Variants in CSGALNACT1 observed in about 807,000 individuals in gnomAD.
CSGALNACT1 encodes the protein chondroitin sulfate N-acetylgalactosaminyltransferase 1, also known as beta4GalNAcT-1.
In CSGALNACT1, 52 loss-of-function variants were observed where a neutral mutation model predicts 51.0. The ratio of observed to expected loss-of-function variants is 1.02; its 90% CI spans 0.82 to 1.29. The LOEUF (loss-of-function observed/expected upper bound fraction) is 1.29. Ranked by LOEUF, CSGALNACT1 falls within the 50% of genes most tolerant of loss-of-function variation. The pLI is 0.00. For synonymous variants in CSGALNACT1, 341 were observed against 254.4 expected (o/e 1.34, Z -3.24); for missense variants, 935 against 679.2 (o/e 1.38, Z -4.19).
chr8:19,635,853 G>A (rs186814548), intron 1 of CSGALNACT1, among the ~76,000 whole-genome samples: 2 of 152,210 alleles, frequency 1.3e-5, no homozygotes, highest in African/African-American at 2.4e-5. Context: ...TCGGCCTCCT[G>A]AGTAGCTGGG....
intron 3 of CSGALNACT1, among the ~76,000 whole-genome samples, chr8:19,518,353 C>T (rs1019630789): frequency 1.2e-4 from 18 of 152,164 alleles, no homozygotes; most frequent in African/African-American, 3.6e-4. Context: ...AAGATGGCAG[C>T]TCCATCTTCC....
chr8:19,572,853 T>C (rs1362518326), intron 3 of CSGALNACT1, among the ~76,000 whole-genome samples: 1 of 152,244 alleles, frequency 6.6e-6, no homozygotes, highest in Non-Finnish European at 1.5e-5. Flanking sequence ...TTTCACTCTG[T>C]TCCAGTGAAG....
intron 3 of CSGALNACT1, among the ~76,000 whole-genome samples, chr8:19,559,187 AC>A (rs2040153128): frequency 6.6e-6 from 1 of 152,330 alleles, no homozygotes; most frequent in Admixed American, 6.5e-5. Context: ...ACAAAGCCCC[AC>A]AATTTTAGCA....
intron 4 of CSGALNACT1, among the ~76,000 whole-genome samples, chr8:19,485,081 T>C (rs950808354): frequency 2.0e-5 from 3 of 152,214 alleles, no homozygotes; most frequent in East Asian, 1.9e-4. Flanking sequence ...TGCCCTGTTA[T>C]GGCAGCCCAA....
chr8:19,405,961 AAG>A lies in CSGALNACT1; in HGVS notation c.1416_1417del (p.Phe473ProfsTer5), dbSNP rs1361059462. 6.2e-7 allele frequency: 1 copy of A among 1,614,002 alleles called. No individual in the cohort carries two copies. Reference sequence around the variant, plus strand: ...GCAGCGCTTCTCATGCCAGAGGTGGAAGAGTCCTCGCACAGGCGTCCGTACCA... The same window carrying A: ...GCAGCGCTTCTCATGCCAGAGGTGGAAGTCCTCGCACAGGCGTCCGTACCA... On this transcript the variant is annotated frameshift_variant, in exon 10 of 10. Coordinates refer to ENST00000454498, the Ensembl canonical transcript of CSGALNACT1. LOFTEE classifies it high-confidence loss of function.
At chr8:19,712,226 C>G (rs1658848641) in intron 1 of CSGALNACT1, among the ~76,000 whole-genome samples, 1 of 152,074 alleles carries the variant, frequency 6.6e-6, no homozygotes, top group African/African-American at 2.4e-5. Flanking sequence ...GGGGTTTCAT[C>G]ATGTTAGCCA....
chr8:19,468,178 T>C (rs1053571447), intron 4 of CSGALNACT1, among the ~76,000 whole-genome samples: 7 of 10,606 alleles, frequency 6.6e-4, no homozygotes, highest in African/African-American at 8.2e-4. Flanking sequence ...ATAGCAGATG[T>C]TTTTTTACCA....
intron 1 of CSGALNACT1, chr8:19,688,985 A>G (rs2154213848): frequency 6.6e-6 from 1 of 152,374 alleles, no homozygotes; most frequent in African/African-American, 2.4e-5. Context: ...CACCTTAGCA[A>G]CAAGTGATCA....
chr8:19,728,769 T>C (rs1028070960), intron 1 of CSGALNACT1, among the ~76,000 whole-genome samples: 11 of 152,124 alleles, frequency 7.2e-5, no homozygotes, highest in African/African-American at 2.7e-4. Flanking sequence ...CTACCAAAAA[T>C]TCTCGAACAT....
In CSGALNACT1 at chr8:19,512,194, G is replaced by A. The variant is rs1036232877; in HGVS notation, c.-296-6064C>T. On this transcript the variant is annotated intron_variant, in intron 3 of 9. Coordinates refer to ENST00000454498, the Ensembl canonical transcript of CSGALNACT1. ...CAAGCAAGCTGCTGTGTTGTGAGCA[G>A]CCTTGTGGAGGGGCCCATGGATGAG... Among the ~76,000 whole-genome samples, 4 of 152,194 alleles carry A rather than the reference G, an allele frequency of 2.6e-5. No individual in the cohort carries two copies. The East Asian group carries it at 7.7e-4, about 29-fold the overall frequency.
chr8:19,555,734 C>G (rs1453667801), intron 3 of CSGALNACT1, among the ~76,000 whole-genome samples: 1 of 152,122 alleles, frequency 6.6e-6, no homozygotes, highest in Non-Finnish European at 1.5e-5. Flanking sequence ...TCTATTTCTA[C>G]TCACAATTGC....
intron 4 of CSGALNACT1, among the ~76,000 whole-genome samples, chr8:19,460,015 G>A (rs2065022703): frequency 6.6e-6 from 1 of 152,078 alleles, no homozygotes; most frequent in Non-Finnish European, 1.5e-5. Flanking sequence ...CCCAATGTAA[G>A]GATCAAATGA....
intron 3 of CSGALNACT1, among the ~76,000 whole-genome samples, chr8:19,517,101 C>A (rs187917383): frequency 6.6e-6 from 1 of 152,080 alleles, no homozygotes; most frequent in Non-Finnish European, 1.5e-5. Context: ...AAAAGCATCA[C>A]GGCAAGTAGA....
At chr8:19,646,665 C>G (rs1274817423) in intron 1 of CSGALNACT1, among the ~76,000 whole-genome samples, 1 of 152,142 alleles carries the variant, frequency 6.6e-6, no homozygotes, top group East Asian at 1.9e-4. Context: ...TGCCCCCTTA[C>G]TTGTTGGCAC....
chr8:19,667,016 A>AAAGGAAGG (rs71205941), intron 1 of CSGALNACT1, among the ~76,000 whole-genome samples: 9 of 43,474 alleles, frequency 2.1e-4, no homozygotes, highest in East Asian at 5.3e-4. Flanking sequence ...AGAAAGAAAG[A>AAAGGAAGG]AAGGAAGGAA....
intron 1 of CSGALNACT1, among the ~76,000 whole-genome samples, chr8:19,688,358 C>A (rs900066027): frequency 1.3e-5 from 2 of 152,160 alleles, no homozygotes; most frequent in Non-Finnish European, 1.5e-5. Flanking sequence ...AAAAAAAAAT[C>A]TCTTTGGTCT....
chr8:19,462,718 T>G (rs1190069143), intron 4 of CSGALNACT1, among the ~76,000 whole-genome samples: 3 of 152,208 alleles, frequency 2.0e-5, no homozygotes, highest in African/African-American at 7.2e-5. Flanking sequence ...CAACAGTCAT[T>G]ACATCCATTT....
chr8:19,698,107 G>C (rs953516864), intron 1 of CSGALNACT1, among the ~76,000 whole-genome samples: 1 of 152,164 alleles, frequency 6.6e-6, no homozygotes, highest in African/African-American at 2.4e-5. Context: ...AAGGCTGCTG[G>C]GGAAGCAGGG....
At chr8:19,665,045 C>T (rs1023692770) in intron 1 of CSGALNACT1, among the ~76,000 whole-genome samples, 4 of 152,168 alleles carry the variant, frequency 2.6e-5, no homozygotes, top group Non-Finnish European at 5.9e-5. Flanking sequence ...GGGAGTTTCA[C>T]TCTTGTTGCC....
Sources: gnomAD v4.1 joint callset for allele counts (sites outside exome capture counted in the v4.1 genomes callset) on GRCh38, gnomAD v4.1.1 for gene constraint, MANE v1.5 for transcripts, NCBI Gene and HGNC (gene_info 2026-07-23, HGNC 2026-07-21) for gene names.